PKNOX2: variants seen among roughly 807,000 people sequenced by gnomAD.
PKNOX2 encodes PBX/knotted 1 homeobox 2, also known as homeobox protein PKNOX2.
A neutral mutation model predicts 53.1 loss-of-function variants in PKNOX2; 14 were observed. The observed-to-expected ratio is 0.26, with a 90% CI of 0.17 to 0.41. The LOEUF (loss-of-function observed/expected upper bound fraction) is 0.41. Among genes scored for constraint, PKNOX2 ranks in the 10% least tolerant of loss-of-function variants. The pLI is 1.00. For missense variants in PKNOX2, 496 were observed against 602.8 expected, an observed-to-expected ratio of 0.82 and a Z score of 1.85; for synonymous variants, 257 against 242.8, an observed-to-expected ratio of 1.06 and a Z score of -0.54.
At chr11:125,213,202 CA>C (rs1407226148) in intron 1 of PKNOX2, among the ~76,000 whole-genome samples, 1 of 151,998 alleles carries the variant, frequency 6.6e-6, no homozygotes, top group African/African-American at 2.4e-5. Flanking sequence ...GTCTAAGCCC[CA>C]AGTTTCTTCA....
intron 1 of PKNOX2, among the ~76,000 whole-genome samples, chr11:125,206,786 T>C (rs1266228889): frequency 6.6e-6 from 1 of 152,046 alleles, no homozygotes; most frequent in African/African-American, 2.4e-5. Context: ...CTCAGTAAAC[T>C]GCAGCCAGCA....
At chr11:125,426,534 TTATTG>T (rs1368195985) in intron 10 of PKNOX2, among the ~76,000 whole-genome samples, 1 of 151,938 alleles carries the variant, frequency 6.6e-6, no homozygotes, top group African/African-American at 2.4e-5. Context: ...CTGCGTCTCC[TTATTG>T]TGCTAGTTCA....
At chr11:125,321,947 T>C (rs10893370) in intron 2 of PKNOX2, among the ~76,000 whole-genome samples, 23,262 of 152,076 alleles carry the variant, frequency 0.15, 2,763 homozygotes, top group African/African-American at 0.32. Context: ...CTCACTCGAG[T>C]CTTTTTTATA....
chr11:125,316,910 G>A (rs1949231227), intron 2 of PKNOX2, among the ~76,000 whole-genome samples: 1 of 152,190 alleles, frequency 6.6e-6, no homozygotes, highest in African/African-American at 2.4e-5. Context: ...AGCATGTGAT[G>A]TTGTTTGATA....
At chr11:125,429,591 AGGTCT>A (rs1262194776) in intron 11 of PKNOX2, among the ~76,000 whole-genome samples, 1 of 152,182 alleles carries the variant, frequency 6.6e-6, no homozygotes, top group African/African-American at 2.4e-5. Context: ...TCAGAGAGCA[AGGTCT>A]GGCTGGATGG....
At chr11:125,271,109 A>C (rs951209398) in intron 2 of PKNOX2, among the ~76,000 whole-genome samples, 2 of 152,040 alleles carry the variant, frequency 1.3e-5, no homozygotes, top group Non-Finnish European at 1.5e-5. Flanking sequence ...AAGATGTTTG[A>C]ATGATTTCAC....
At chr11:125,187,311 A>G (rs936939696) in intron 1 of PKNOX2, among the ~76,000 whole-genome samples, 1 of 152,098 alleles carries the variant, frequency 6.6e-6, no homozygotes, top group Non-Finnish European at 1.5e-5. Context: ...ATGTATTGAC[A>G]TCTAAGCAAT....
intron 1 of PKNOX2, among the ~76,000 whole-genome samples, chr11:125,228,498 T>G (rs531513302): frequency 1.3e-5 from 2 of 152,264 alleles, no homozygotes; most frequent in South Asian, 4.1e-4. Context: ...ACCTGATGGC[T>G]CTCAATGACA....
At chr11:125,323,647 G>A (rs1362647948) in intron 2 of PKNOX2, among the ~76,000 whole-genome samples, 1 of 152,174 alleles carries the variant, frequency 6.6e-6, no homozygotes, top group Non-Finnish European at 1.5e-5. Flanking sequence ...CCTTAATAAC[G>A]AAAATTTACA....
chr11:125,197,275 C>T (rs1937829138), intron 1 of PKNOX2, among the ~76,000 whole-genome samples: 1 of 152,206 alleles, frequency 6.6e-6, no homozygotes, highest in South Asian at 2.1e-4. Context: ...AATTCAGCCA[C>T]TGTGACCCTC....
chr11:125,266,822 C>T lies in PKNOX2; in HGVS notation c.-130+31707C>T, dbSNP rs374959221. The T allele has an allele frequency of 3.3e-5, 5 of 152,188 alleles. No individual in the cohort carries two copies. The East Asian group carries it at 7.7e-4, about 23-fold the overall frequency. The allele number at this position is 152,188 out of a possible 1,614,324, so 9.4% of individuals were successfully genotyped here. A position where few individuals can be genotyped will look rare whatever the true frequency, so the allele number is the denominator to read the frequency against. ...CTCACGGCTTCTTCCCTACTTCCCA[C>T]CCAGGTTCTAAAGTCATTTTACTTA... On this transcript the variant is annotated intron_variant, in intron 2 of 12. Transcript: ENST00000298282.
chr11:125,248,090 TC>T (rs1943697672), intron 2 of PKNOX2, among the ~76,000 whole-genome samples: 1 of 152,204 alleles, frequency 6.6e-6, no homozygotes, highest in Admixed American at 6.5e-5. Flanking sequence ...TCTGTAGCCC[TC>T]GCTCTGCCTG....
At chr11:125,337,786 AG>A (rs1299170469) in intron 3 of PKNOX2, among the ~76,000 whole-genome samples, 1 of 152,146 alleles carries the variant, frequency 6.6e-6, no homozygotes, top group Non-Finnish European at 1.5e-5. Context: ...GACACAGAAT[AG>A]GTGCTCAGTA....
At chr11:125,316,763 C>T (rs1401358670) in intron 2 of PKNOX2, among the ~76,000 whole-genome samples, 1 of 152,180 alleles carries the variant, frequency 6.6e-6, no homozygotes, top group Admixed American at 6.5e-5. Flanking sequence ...GAGGGTTTTG[C>T]CTCAGTGTTG....
intron 1 of PKNOX2, among the ~76,000 whole-genome samples, chr11:125,167,955 C>T (rs982157431): frequency 7.2e-5 from 11 of 152,224 alleles, no homozygotes; most frequent in African/African-American, 1.9e-4. Context: ...TGTTCATTCT[C>T]GTGTTGCCTT....
intron 1 of PKNOX2, among the ~76,000 whole-genome samples, chr11:125,233,722 G>T (rs1942428584): frequency 6.6e-6 from 1 of 152,144 alleles, no homozygotes; most frequent in African/African-American, 2.4e-5. Flanking sequence ...GAGAAAATTT[G>T]GTTTCCTCAG....
At chr11:125,324,025 C>CCTGGTCCCAAAA (rs1949685068) in intron 2 of PKNOX2, among the ~76,000 whole-genome samples, 1 of 152,192 alleles carries the variant, frequency 6.6e-6, no homozygotes, top group Non-Finnish European at 1.5e-5. Flanking sequence ...ATTATCAGAG[C>CCTGGTCCCAAAA]CTGGTCCCAA....
chr11:125,209,957 T>G (rs1326076756), intron 1 of PKNOX2, among the ~76,000 whole-genome samples: 1 of 152,238 alleles, frequency 6.6e-6, no homozygotes, highest in Admixed American at 6.5e-5. Flanking sequence ...GATCAGCACA[T>G]GCTCGAGGTC....
chr11:125,215,444 G>A (rs554259417), intron 1 of PKNOX2, among the ~76,000 whole-genome samples: 1 of 151,966 alleles, frequency 6.6e-6, no homozygotes, highest in East Asian at 1.9e-4. Flanking sequence ...GCAGGAGCAG[G>A]CCCAGGATAT....
Sources: allele counts gnomAD v4.1 joint callset (sites outside exome capture counted in the v4.1 genomes callset), GRCh38; gene constraint gnomAD v4.1.1; transcripts MANE v1.5; gene names NCBI Gene and HGNC (gene_info 2026-07-23, HGNC 2026-07-21).